SEPTIN7: variants seen among roughly 807,000 people sequenced by gnomAD.
SEPTIN7 encodes septin-7.
A neutral mutation model predicts 63.3 loss-of-function variants in SEPTIN7; 10 were observed. The observed-to-expected ratio is 0.16, with a 90% CI of 0.10 to 0.27. SEPTIN7 has a LOEUF of 0.27. Ranked by LOEUF, SEPTIN7 falls within the 10% of genes least tolerant of loss-of-function variation. SEPTIN7 has a pLI of 1.00. For synonymous variants in SEPTIN7, 131 were observed against 165.3 expected (o/e 0.79, Z 1.59); for missense variants, 310 against 521.0 (o/e 0.59, Z 3.94).
chr7:35,843,060 G>A (rs1784487227), intron 3 of SEPTIN7, among the ~76,000 whole-genome samples: 1 of 152,132 alleles, frequency 6.6e-6, no homozygotes, highest in Non-Finnish European at 1.5e-5. Flanking sequence ...CTCTGATGGT[G>A]AAAATACCAT....
intron 1 of SEPTIN7, among the ~76,000 whole-genome samples, chr7:35,807,660 G>A (rs948935151): frequency 3.9e-5 from 6 of 152,112 alleles, no homozygotes; most frequent in African/African-American, 1.2e-4. Flanking sequence ...ACTGTGCCCT[G>A]CCAATTTTTG....
At chr7:35,866,559 A>G (rs574212769) in intron 4 of SEPTIN7, among the ~76,000 whole-genome samples, 14 of 152,198 alleles carry the variant, frequency 9.2e-5, no homozygotes, top group Non-Finnish European at 1.5e-4. Context: ...TCATATTCTC[A>G]TCCCTGGGCA....
At chr7:35,859,495 T>A (rs1277133429) in intron 3 of SEPTIN7, among the ~76,000 whole-genome samples, 3 of 152,240 alleles carry the variant, frequency 2.0e-5, no homozygotes, top group Non-Finnish European at 4.4e-5. Flanking sequence ...TGTCTATGTC[T>A]GTTAGCTTCA....
intron 1 of SEPTIN7, among the ~76,000 whole-genome samples, chr7:35,830,703 G>C (rs1783792237): frequency 6.6e-6 from 1 of 152,194 alleles, no homozygotes; most frequent in Non-Finnish European, 1.5e-5. Flanking sequence ...CCAGTTGTTT[G>C]AAGTGGGTTG....
At chr7:35,823,965 A>C (rs1199287328) in intron 1 of SEPTIN7, among the ~76,000 whole-genome samples, 1 of 148,942 alleles carries the variant, frequency 6.7e-6, no homozygotes, top group East Asian at 2.0e-4. Context: ...TTTGTCTGCT[A>C]CTTGGTGTTT....
intron 4 of SEPTIN7, among the ~76,000 whole-genome samples, chr7:35,871,600 C>T (rs545141026): frequency 4.0e-4 from 61 of 152,270 alleles, no homozygotes; most frequent in African/African-American, 1.4e-3. Context: ...TTTTCTTGCT[C>T]AGCAATCTTA....
chr7:35,832,636 C>T (rs1294862982), intron 2 of SEPTIN7, 162 bp from the exon 3 acceptor site: 3 of 595,662 alleles, frequency 5.0e-6, no homozygotes, highest in Admixed American at 5.0e-5. Context: ...TAATTTTGTC[C>T]ATTTAAGAAT....
chr7:35,817,859 A>G (rs1456041997), intron 1 of SEPTIN7, among the ~76,000 whole-genome samples: 1 of 150,842 alleles, frequency 6.6e-6, no homozygotes, highest in African/African-American at 2.4e-5. Context: ...TATTGATCTT[A>G]TATCATGCAA....
intron 3 of SEPTIN7, 143 bp downstream of exon 3, chr7:35,833,043 TA>T (rs984264737): frequency 1.7e-5 from 10 of 575,744 alleles, no homozygotes; most frequent in Non-Finnish European, 2.8e-5. Context: ...GCATACATTT[TA>T]AAATTTAACT....
chr7:35,912,375 C>T, the SEPTIN7 span, among the ~76,000 whole-genome samples: 1 of 152,204 alleles, frequency 6.6e-6, no homozygotes, highest in African/African-American at 2.4e-5. Context: ...CTAGCCAGAC[C>T]CACCCCTTTA....
chr7:35,835,880 G>A (rs565469772), intron 3 of SEPTIN7, among the ~76,000 whole-genome samples: 18 of 152,236 alleles, frequency 1.2e-4, no homozygotes, highest in African/African-American at 4.3e-4. Flanking sequence ...GTACAAATTG[G>A]TCACTTTTTA....
intron 1 of SEPTIN7, among the ~76,000 whole-genome samples, chr7:35,806,058 G>A (rs1241102837): frequency 6.6e-6 from 1 of 152,144 alleles, no homozygotes; most frequent in African/African-American, 2.4e-5. Flanking sequence ...TGCTCTCTCT[G>A]GTTGTGAAAT....
intron 12 of SEPTIN7, chr7:35,899,600 G>C (rs1384906193): frequency 6.6e-6 from 1 of 152,140 alleles, no homozygotes; most frequent in Admixed American, 6.6e-5. Context: ...TGTGAGATGA[G>C]GTCCAGGTGT....
At chr7:35,830,158 G>A (rs1783760186) in intron 1 of SEPTIN7, among the ~76,000 whole-genome samples, 2 of 151,892 alleles carry the variant, frequency 1.3e-5, no homozygotes, top group Non-Finnish European at 2.9e-5. Context: ...CCCCCAGCCT[G>A]GGCAACACAG....
At chr7:35,886,125 G>A (rs923226813) in intron 10 of SEPTIN7, among the ~76,000 whole-genome samples, 2 of 152,146 alleles carry the variant, frequency 1.3e-5, no homozygotes, top group African/African-American at 4.8e-5. Flanking sequence ...ACTTTGTGTC[G>A]AGATTTAATA....
chr7:35,913,544 T>TTTCC, the SEPTIN7 span, among the ~76,000 whole-genome samples: 6 of 148,604 alleles, frequency 4.0e-5, no homozygotes, highest in East Asian at 2.0e-4. Context: ...TCCTTCCTTC[T>TTTCC]TTCCTTCCTT....
At chr7:35,878,773 A>G (rs572255294) in intron 6 of SEPTIN7, among the ~76,000 whole-genome samples, 4 of 152,166 alleles carry the variant, frequency 2.6e-5, no homozygotes, top group African/African-American at 4.8e-5. Flanking sequence ...TAGGAAGCGT[A>G]GAAGAGGGAA....
At chr7:35,823,881 A>G (rs1378568416) in intron 1 of SEPTIN7, among the ~76,000 whole-genome samples, 2 of 151,666 alleles carry the variant, frequency 1.3e-5, no homozygotes, top group Admixed American at 1.3e-4. Context: ...GGGATTTTCA[A>G]GTTGTTTTAT....
At chr7:35,881,780 C>T (rs1016607713) in intron 7 of SEPTIN7, among the ~76,000 whole-genome samples, 2 of 151,852 alleles carry the variant, frequency 1.3e-5, no homozygotes, top group Non-Finnish European at 2.9e-5. Context: ...TGTCTGTATT[C>T]TGTTTAGAAT....
Sources: allele counts gnomAD v4.1 joint callset (sites outside exome capture counted in the v4.1 genomes callset), GRCh38; gene constraint gnomAD v4.1.1; transcripts MANE v1.5; gene names NCBI Gene and HGNC (gene_info 2026-07-23, HGNC 2026-07-21).